Variants in LRRTM4 observed in about 807,000 individuals in gnomAD.
The protein encoded by LRRTM4 is leucine-rich repeat transmembrane neuronal protein 4.
In LRRTM4, 25 loss-of-function variants were observed where a neutral mutation model predicts 47.6. The ratio of observed to expected loss-of-function variants is 0.53; its 90% CI spans 0.38 to 0.73. The LOEUF (loss-of-function observed/expected upper bound fraction) is 0.73, where lower values mean the gene tolerates loss of function less well. Ranked by LOEUF, LRRTM4 falls within the 30% of genes least tolerant of loss-of-function variation. The pLI is 0.00. For missense variants in LRRTM4, 638 were observed against 713.4 expected, an observed-to-expected ratio of 0.89 and a Z score of 1.20; for synonymous variants, 311 against 269.5, an observed-to-expected ratio of 1.15 and a Z score of -1.51.
chr2:77,255,676 C>T (rs1039328251), intron 3 of LRRTM4, among the ~76,000 whole-genome samples: 18 of 151,746 alleles, frequency 1.2e-4, no homozygotes, highest in African/African-American at 3.9e-4. Flanking sequence ...ATCCATGTGT[C>T]GAATAGAATA....
chr2:77,136,566 C>A (rs548016448), intron 3 of LRRTM4, among the ~76,000 whole-genome samples: 4 of 152,140 alleles, frequency 2.6e-5, no homozygotes, highest in African/African-American at 4.8e-5. Context: ...AAAATCAGAG[C>A]GCCTCTCCCC....
At chr2:76,928,700 C>G (rs1674667846) in intron 3 of LRRTM4, among the ~76,000 whole-genome samples, 5 of 151,984 alleles carry the variant, frequency 3.3e-5, no homozygotes, top group Admixed American at 2.6e-4. Flanking sequence ...ATACTGAGTT[C>G]TCAATGTTTT....
intron 3 of LRRTM4, among the ~76,000 whole-genome samples, chr2:77,503,362 T>C (rs775955397): frequency 6.6e-6 from 1 of 151,516 alleles, no homozygotes; most frequent in African/African-American, 2.4e-5. Context: ...ATTCTGGAGA[T>C]TGTGACTTTC....
intron 3 of LRRTM4, among the ~76,000 whole-genome samples, chr2:76,792,503 T>C (rs1164671786): frequency 6.6e-6 from 1 of 152,162 alleles, no homozygotes; most frequent in Non-Finnish European, 1.5e-5. Context: ...TTGTAGTATA[T>C]TAGGAAGGCG....
intron 3 of LRRTM4, among the ~76,000 whole-genome samples, chr2:77,088,196 C>T (rs1053701425): frequency 6.6e-6 from 1 of 152,166 alleles, no homozygotes; most frequent in Non-Finnish European, 1.5e-5. Flanking sequence ...ACGTGGTTAA[C>T]CCCATATACT....
At chr2:77,000,923 G>GT (rs1677401381) in intron 3 of LRRTM4, among the ~76,000 whole-genome samples, 1 of 152,116 alleles carries the variant, frequency 6.6e-6, no homozygotes, top group South Asian at 2.1e-4. Context: ...GAAAGGCACT[G>GT]TGACTCCTTA....
intron 3 of LRRTM4, among the ~76,000 whole-genome samples, chr2:77,074,841 C>G (rs1363107116): frequency 3.3e-5 from 5 of 152,006 alleles, no homozygotes; most frequent in African/African-American, 1.2e-4. Flanking sequence ...TTGAATTAGT[C>G]AAATAAAATT....
intron 3 of LRRTM4, among the ~76,000 whole-genome samples, chr2:76,792,553 G>GGTAA (rs140506434): frequency 0.03 from 4,635 of 152,148 alleles, 224 homozygotes; most frequent in African/African-American, 0.092. Context: ...GATGGCACAA[G>GGTAA]GTAAGTTATA....
intron 3 of LRRTM4, among the ~76,000 whole-genome samples, chr2:76,835,943 A>C (rs1414443893): frequency 1.3e-5 from 2 of 152,034 alleles, no homozygotes; most frequent in East Asian, 3.8e-4. Flanking sequence ...TAGATTAGCA[A>C]CGTTCTTGAA....
chr2:76,955,215 CTT>C (rs1325540257), intron 3 of LRRTM4, among the ~76,000 whole-genome samples: 1 of 151,680 alleles, frequency 6.6e-6, no homozygotes, highest in East Asian at 1.9e-4. Flanking sequence ...GTATAAATAA[CTT>C]TTAATTCTGA....
chr2:76,892,372 A>G (rs749562482), intron 3 of LRRTM4, among the ~76,000 whole-genome samples: 27 of 151,778 alleles, frequency 1.8e-4, no homozygotes, highest in Non-Finnish European at 3.0e-5. Flanking sequence ...TACTGGTAAT[A>G]ATATGAACAA....
At chr2:77,176,438 C>T (rs1324082696) in intron 3 of LRRTM4, among the ~76,000 whole-genome samples, 1 of 152,180 alleles carries the variant, frequency 6.6e-6, no homozygotes, top group Non-Finnish European at 1.5e-5. Flanking sequence ...CCAGGACAAG[C>T]TCATCATCTT....
chr2:77,067,404 A>T (rs1395090120), intron 3 of LRRTM4, among the ~76,000 whole-genome samples: 3 of 152,054 alleles, frequency 2.0e-5, no homozygotes, highest in Non-Finnish European at 4.4e-5. Context: ...GGTCAACAAC[A>T]ACTTCTAATT....
At chr2:77,521,560 G>A in intron 2 of LRRTM4, 108 bp downstream of exon 2, 2 of 1,269,702 alleles carry the variant, frequency 1.6e-6, no homozygotes, top group South Asian at 2.5e-5. Flanking sequence ...CTCAAAGGCT[G>A]CTGCTCTTTG....
At chr2:77,061,014 A>G (rs1465173434) in intron 3 of LRRTM4, among the ~76,000 whole-genome samples, 1 of 152,218 alleles carries the variant, frequency 6.6e-6, no homozygotes, top group Non-Finnish European at 1.5e-5. Context: ...AGAATACCAT[A>G]GAAAGCTATC....
intron 3 of LRRTM4, among the ~76,000 whole-genome samples, chr2:76,827,444 C>A (rs546120957): frequency 1.3e-5 from 2 of 151,852 alleles, no homozygotes; most frequent in African/African-American, 4.8e-5. Flanking sequence ...CCCTTAAAAC[C>A]AAAGCACAAC....
chr2:77,119,669 G>C (rs1450950714), intron 3 of LRRTM4, among the ~76,000 whole-genome samples: 1 of 151,780 alleles, frequency 6.6e-6, no homozygotes, highest in Non-Finnish European at 1.5e-5. Context: ...AAATCATTTA[G>C]AGAATCGTAA....
chr2:76,866,462 ATT>A (rs1672472188), intron 3 of LRRTM4, among the ~76,000 whole-genome samples: 1 of 151,212 alleles, frequency 6.6e-6, no homozygotes. Flanking sequence ...TCAATACTGT[ATT>A]TTTTTCTTCT....
intron 3 of LRRTM4, among the ~76,000 whole-genome samples, chr2:76,763,064 G>A (rs756922522): frequency 6.6e-5 from 10 of 152,064 alleles, no homozygotes; most frequent in African/African-American, 1.9e-4. Flanking sequence ...CCTTTCTATC[G>A]CCTAGGATTG....
Sources: gnomAD v4.1 joint callset for allele counts (sites outside exome capture counted in the v4.1 genomes callset) on GRCh38, gnomAD v4.1.1 for gene constraint, MANE v1.5 for transcripts, NCBI Gene and HGNC (gene_info 2026-07-23, HGNC 2026-07-21) for gene names.